TSPAN12: variants seen among roughly 807,000 people sequenced by gnomAD.
TSPAN12 encodes the protein tetraspanin-12.
In TSPAN12, 19 loss-of-function variants were observed where a neutral mutation model predicts 39.2. The ratio of observed to expected loss-of-function variants is 0.49; its 90% CI spans 0.34 to 0.71. The LOEUF is 0.71. TSPAN12 is among the 30% of genes least tolerant of loss of function. The pLI is 0.01. For missense variants in TSPAN12, 314 were observed against 359.9 expected, an observed-to-expected ratio of 0.87 and a Z score of 1.03; for synonymous variants, 119 against 124.8, an observed-to-expected ratio of 0.95 and a Z score of 0.31.
In TSPAN12 at chr7:120,788,445, C is replaced by T. The variant is rs2116271849; in HGVS notation, c.*147G>A. 1 of 970,086 alleles carries T rather than the reference C, an allele frequency of 1.0e-6. No individual in the cohort carries two copies. The highest frequency in any genetic ancestry group is 1.5e-6 in the Non-Finnish European group (1 of 651,910). The allele number at this position is 970,086 out of a possible 1,614,324, so 60.1% of individuals were successfully genotyped here. A position where few individuals can be genotyped will look rare whatever the true frequency, so the allele number is the denominator to read the frequency against. Reference sequence around the variant, plus strand: ...TTATGACATGAAACTTTTCCATCCTCATTTTAAAGCATAGAATAGTATATG... The same window carrying T: ...TTATGACATGAAACTTTTCCATCCTTATTTTAAAGCATAGAATAGTATATG... On this transcript the variant is annotated 3_prime_UTR_variant, in exon 8 of 8. Transcript: ENST00000222747.
intron 4 of TSPAN12, 53 bp downstream of exon 4, chr7:120,838,724 A>G (rs1345506111): frequency 1.3e-6 from 2 of 1,567,578 alleles, no homozygotes; most frequent in Admixed American, 1.7e-5. Context: ...AAAAAATAAT[A>G]TATTACTGGT....
chr7:120,824,276 C>CA (rs56316348), intron 4 of TSPAN12, among the ~76,000 whole-genome samples: 1,710 of 124,592 alleles, frequency 0.014, 21 homozygotes, highest in East Asian at 0.081. Flanking sequence ...ACTAAAAATG[C>CA]AAAAAAAAAA....
At chr7:120,848,732 C>T (rs887257945) in intron 2 of TSPAN12, among the ~76,000 whole-genome samples, 3 of 152,128 alleles carry the variant, frequency 2.0e-5, no homozygotes, top group Non-Finnish European at 4.4e-5. Context: ...AGTAAACAAG[C>T]AACCCTGGGA....
intron 5 of TSPAN12, among the ~76,000 whole-genome samples, chr7:120,812,323 G>T (rs557207635): frequency 6.6e-6 from 1 of 152,124 alleles, no homozygotes; most frequent in Non-Finnish European, 1.5e-5. Context: ...TACACACACA[G>T]TATTAAGGCA....
At chr7:120,853,808 A>C (rs916547136) in intron 2 of TSPAN12, among the ~76,000 whole-genome samples, 9 of 147,434 alleles carry the variant, frequency 6.1e-5, no homozygotes, top group African/African-American at 2.2e-4. Flanking sequence ...CGGGAGGTGG[A>C]GGTTGCAGTG....
rs111943400 is a variant in TSPAN12, at chr7:120,794,739, C to A, written c.613-5842G>T. 6.5e-4 allele frequency among the ~76,000 whole-genome samples: 99 copies of A among 151,204 alleles called. 1 individual carries two copies. Among genetic ancestry groups the A allele is most frequent in the African/African-American group, 2.3e-3 (94 of 41,224 alleles). On this transcript the variant is annotated intron_variant, in intron 7 of 7. Transcript: ENST00000222747. ...TTTCACAAGTACTTAAATTTAAGAA[C>A]CAACTTTCCAAAGAATAGCTCTCTT... is the stretch of plus-strand genomic sequence containing the variant.
At chr7:120,807,164 G>T (rs760101646) in intron 6 of TSPAN12, among the ~76,000 whole-genome samples, 14 of 152,058 alleles carry the variant, frequency 9.2e-5, no homozygotes, top group Non-Finnish European at 1.8e-4. Flanking sequence ...ATCACAAAAA[G>T]TTAGCAGACA....
At chr7:120,790,181 G>A (rs528325299) in intron 7 of TSPAN12, among the ~76,000 whole-genome samples, 51 of 152,156 alleles carry the variant, frequency 3.4e-4, no homozygotes, top group African/African-American at 1.2e-3. Context: ...CACTCCTTGT[G>A]TGTTCGCATC....
chr7:120,814,729 T>C (rs1054488916), intron 5 of TSPAN12, among the ~76,000 whole-genome samples: 3 of 152,134 alleles, frequency 2.0e-5, no homozygotes, highest in Non-Finnish European at 1.5e-5. Flanking sequence ...GACTGAGAAA[T>C]GTTATGCTCG....
chr7:120,794,528 C>T (rs1024652697), intron 7 of TSPAN12, among the ~76,000 whole-genome samples: 3 of 152,164 alleles, frequency 2.0e-5, no homozygotes, highest in African/African-American at 4.8e-5. Flanking sequence ...TGCCTGCTGC[C>T]GCTTTGCTTT....
intron 2 of TSPAN12, among the ~76,000 whole-genome samples, chr7:120,852,223 G>C (rs1794783397): frequency 6.6e-6 from 1 of 151,798 alleles, no homozygotes; most frequent in Non-Finnish European, 1.5e-5. Context: ...GGGTAGAAAA[G>C]GTAAGAAGGT....
intron 4 of TSPAN12, among the ~76,000 whole-genome samples, chr7:120,820,718 C>CT (rs925761603): frequency 2.6e-5 from 4 of 152,238 alleles, no homozygotes; most frequent in Non-Finnish European, 4.4e-5. Flanking sequence ...ATTTTATCCC[C>CT]AGTGCCCAAG....
intron 7 of TSPAN12, among the ~76,000 whole-genome samples, chr7:120,806,011 T>G (rs1490458053): frequency 6.6e-6 from 1 of 152,122 alleles, no homozygotes; most frequent in East Asian, 1.9e-4. Flanking sequence ...CCTGGCCACA[T>G]GAGGATTGAC....
At chr7:120,853,948 G>A (rs1005291883) in intron 2 of TSPAN12, among the ~76,000 whole-genome samples, 12 of 150,838 alleles carry the variant, frequency 8.0e-5, no homozygotes, top group Admixed American at 5.3e-4. Context: ...CTATTGTATA[G>A]AAACAGATAA....
intron 2 of TSPAN12, among the ~76,000 whole-genome samples, chr7:120,851,438 T>C (rs952176047): frequency 1.3e-5 from 2 of 152,230 alleles, no homozygotes; most frequent in Admixed American, 1.3e-4. Context: ...ACAATGGTTC[T>C]TATATAATGG....
chr7:120,837,574 A>C (rs1794502903), intron 4 of TSPAN12, among the ~76,000 whole-genome samples: 1 of 152,088 alleles, frequency 6.6e-6, no homozygotes. Context: ...GGCCTCCCAA[A>C]GTGCTGGGAT....
At chr7:120,837,189 T>C (rs1213110443) in intron 4 of TSPAN12, among the ~76,000 whole-genome samples, 1 of 152,240 alleles carries the variant, frequency 6.6e-6, no homozygotes, top group Non-Finnish European at 1.5e-5. Flanking sequence ...CCCAAATATC[T>C]AAAATTGCAA....
chr7:120,799,482 TTATA>T (rs1290587942), intron 7 of TSPAN12, among the ~76,000 whole-genome samples: 3 of 113,878 alleles, frequency 2.6e-5, no homozygotes, highest in Non-Finnish European at 5.3e-5. Flanking sequence ...ATTTTTATAA[TTATA>T]TATAATTATT....
intron 4 of TSPAN12, among the ~76,000 whole-genome samples, chr7:120,831,624 G>C (rs1203813531): frequency 1.4e-5 from 2 of 148,074 alleles, no homozygotes; most frequent in African/African-American, 5.0e-5. Flanking sequence ...GAGTAGAATG[G>C]TGGTTACTAG....
Sources: gnomAD v4.1 joint callset for allele counts (sites outside exome capture counted in the v4.1 genomes callset) on GRCh38, gnomAD v4.1.1 for gene constraint, MANE v1.5 for transcripts, NCBI Gene and HGNC (gene_info 2026-07-23, HGNC 2026-07-21) for gene names.